TJP1: variants seen among roughly 807,000 people sequenced by gnomAD.
TJP1 encodes tight junction protein 1.
In TJP1, 43 loss-of-function variants were observed where a neutral mutation model predicts 194.2. The observed-to-expected ratio is 0.22, with a 90% CI of 0.17 to 0.29. The LOEUF (loss-of-function observed/expected upper bound fraction) is 0.29, where lower values mean the gene tolerates loss of function less well. Ranked by LOEUF, TJP1 falls within the 10% of genes least tolerant of loss-of-function variation. The pLI, the probability that TJP1 is intolerant of heterozygous loss-of-function variation, is 1.00. For missense variants in TJP1, 1,971 were observed against 2,185.7 expected (o/e 0.90, Z 1.96); for synonymous variants, 801 against 779.0 (o/e 1.03, Z -0.47).
chr15:29,770,291 A>G (rs1182566542), intron 4 of TJP1, among the ~76,000 whole-genome samples: 1 of 152,084 alleles, frequency 6.6e-6, no homozygotes, highest in Non-Finnish European at 1.5e-5. Flanking sequence ...TACTAAAAAT[A>G]CAAAATACGG....
At chr15:29,835,454 C>T (rs2050994427) in intron 2 of TJP1, among the ~76,000 whole-genome samples, 1 of 152,070 alleles carries the variant, frequency 6.6e-6, no homozygotes, top group Non-Finnish European at 1.5e-5. Context: ...AACATTCTGA[C>T]AAAGCCAAAT....
intron 2 of TJP1, among the ~76,000 whole-genome samples, chr15:29,906,561 GT>G (rs917446181): frequency 1.3e-5 from 2 of 151,552 alleles, no homozygotes; most frequent in Admixed American, 6.6e-5. Flanking sequence ...AAAATACTGG[GT>G]TTTTTTGTTG....
intron 4 of TJP1, among the ~76,000 whole-genome samples, chr15:29,767,257 T>C (rs553733515): frequency 3.3e-5 from 5 of 152,332 alleles, no homozygotes; most frequent in African/African-American, 1.2e-4. Context: ...ACCTGCTGAC[T>C]GAATGGCCCT....
At chr15:29,901,412 T>C (rs2053631108) in intron 2 of TJP1, among the ~76,000 whole-genome samples, 2 of 152,174 alleles carry the variant, frequency 1.3e-5, no homozygotes, top group Non-Finnish European at 2.9e-5. Flanking sequence ...TGCAAAAGTA[T>C]AGCTGCCTGA....
chr15:29,890,422 A>G (rs1320541584), intron 2 of TJP1, among the ~76,000 whole-genome samples: 1 of 152,188 alleles, frequency 6.6e-6, no homozygotes, highest in Non-Finnish European at 1.5e-5. Flanking sequence ...CAACAACTTC[A>G]AGGCGCAGTG....
chr15:29,780,301 G>T (rs1055258697), intron 2 of TJP1, among the ~76,000 whole-genome samples: 1 of 152,000 alleles, frequency 6.6e-6, no homozygotes, highest in Non-Finnish European at 1.5e-5. Context: ...TCCCATCTGG[G>T]GGTGATGGGA....
chr15:29,745,960 G>T (rs1293607455), intron 8 of TJP1, among the ~76,000 whole-genome samples: 1 of 152,100 alleles, frequency 6.6e-6, no homozygotes, highest in Non-Finnish European at 1.5e-5. Flanking sequence ...AGAACTGGGG[G>T]TGAACTGGGG....
chr15:29,795,712 T>G (rs2048359939), intron 2 of TJP1, among the ~76,000 whole-genome samples: 1 of 151,972 alleles, frequency 6.6e-6, no homozygotes, highest in African/African-American at 2.4e-5. Flanking sequence ...AAACCAGATA[T>G]AAACAATGTT....
chr15:29,904,153 C>T (rs571742746), intron 2 of TJP1, among the ~76,000 whole-genome samples: 68 of 152,116 alleles, frequency 4.5e-4, no homozygotes, highest in African/African-American at 1.6e-3. Flanking sequence ...AAAAGGGTGG[C>T]GGGTGCTGCA....
chr15:29,855,793 C>T (rs1009398718), intron 2 of TJP1, among the ~76,000 whole-genome samples: 1 of 151,654 alleles, frequency 6.6e-6, no homozygotes, highest in African/African-American at 2.4e-5. Context: ...GAGATGGAGG[C>T]TTCAGTGAGC....
chr15:29,870,649 G>C (rs1471867129), intron 2 of TJP1, among the ~76,000 whole-genome samples: 2 of 152,170 alleles, frequency 1.3e-5, no homozygotes, highest in African/African-American at 4.8e-5. Flanking sequence ...ACCTAAAAGG[G>C]AAAGGCTTGC....
chr15:29,768,091 C>T (rs2046433236), intron 4 of TJP1, among the ~76,000 whole-genome samples: 1 of 152,124 alleles, frequency 6.6e-6, no homozygotes, highest in Admixed American at 6.5e-5. Flanking sequence ...CTTCAAAGGG[C>T]TGCTCTACAC....
At chr15:29,921,522 T>TGGAGCTGAGAGTAGGGACGGA (rs2054357670) in intron 2 of TJP1, among the ~76,000 whole-genome samples, 1 of 152,148 alleles carries the variant, frequency 6.6e-6, no homozygotes, top group Non-Finnish European at 1.5e-5. Flanking sequence ...CAAGCTCATC[T>TGGAGCTGAGAGTAGGGACGGA]GGAGCTGAGA....
chr15:29,795,202 T>C (rs954859032), intron 2 of TJP1, among the ~76,000 whole-genome samples: 12 of 152,086 alleles, frequency 7.9e-5, no homozygotes, highest in African/African-American at 1.9e-4. Context: ...GGTGGGAGGA[T>C]TGCCTGAGGT....
At position 29,718,675 on chromosome 15, in the gene TJP1, C is replaced by T. The variant is rs201859513; in HGVS notation, c.3467G>A (p.Arg1156Gln). 17 of 1,614,122 alleles carry T rather than the reference C, an allele frequency of 1.1e-5. No homozygotes were observed. Among genetic ancestry groups the T allele is most frequent in the African/African-American group, 8.0e-5 (6 of 75,044 alleles). ...YEQAPRASALRHEEQPAPGYD... is the reference protein window; with the variant it reads ...YEQAPRASALQHEEQPAPGYD... ...CCCAGGAGCTGGCTGCTCTTCGTGCCGCAGGGCGGATGCTCTAGGTGCCTG... is the reference window on the plus strand; with the variant it reads ...CCCAGGAGCTGGCTGCTCTTCGTGCTGCAGGGCGGATGCTCTAGGTGCCTG... Residue 1156 changes from arginine to glutamine, a missense_variant, in exon 21 of 28, where the codon CGG (arginine) becomes CAG (glutamine). Around this residue, in one of 5 missense-constraint regions of TJP1, gnomAD observed 1,108 missense variants for 1,128.5 expected, o/e 0.98. Coordinates refer to ENST00000614355, the MANE Select transcript of TJP1 (RefSeq NM_001330239.4).
intron 2 of TJP1, among the ~76,000 whole-genome samples, chr15:29,934,882 G>C (rs1321806659): frequency 6.6e-6 from 1 of 152,136 alleles, no homozygotes; most frequent in Non-Finnish European, 1.5e-5. Flanking sequence ...TTTGACTGTA[G>C]ATTTACAAAA....
chr15:29,765,330 T>C (rs1336983337), intron 5 of TJP1, among the ~76,000 whole-genome samples: 2 of 152,090 alleles, frequency 1.3e-5, no homozygotes, highest in Non-Finnish European at 1.5e-5. Context: ...CTAGGAGATA[T>C]GCCAAGTGGT....
chr15:29,821,210 CAA>C (rs2050316414), intron 1 of TJP1, among the ~76,000 whole-genome samples: 1 of 152,028 alleles, frequency 6.6e-6, no homozygotes, highest in Non-Finnish European at 1.5e-5. Flanking sequence ...AAGTTAGTTT[CAA>C]AGCAATGGGA....
Position 29,822,428 on chromosome 15 carries a change from G to T in TJP1, c.-400C>A, listed in dbSNP as rs567593417. 36 of 989,466 alleles carry T rather than the reference G, an allele frequency of 3.6e-5. No homozygotes were observed. In the East Asian group the frequency reaches 3.3e-3, roughly 91 times the overall value. The allele number at this position is 989,466 out of a possible 1,614,324, so 61.3% of individuals were successfully genotyped here. ...GAACCGGCGGCCGCCAAGGAACGCG[G>T]CGTCCGCTGGCTCAGCCGGCGCCGG... On this transcript the variant is annotated 5_prime_UTR_variant, in exon 1 of 28. Coordinates refer to ENST00000614355, the MANE Select transcript of TJP1 (RefSeq NM_001330239.4).
Sources: allele counts gnomAD v4.1 joint callset (sites outside exome capture counted in the v4.1 genomes callset), GRCh38; gene constraint gnomAD v4.1.1; regional missense constraint gnomAD v4.1.1; transcripts MANE v1.5; gene names NCBI Gene and HGNC (gene_info 2026-07-23, HGNC 2026-07-21).